Variants in RPRD2 observed in about 807,000 individuals in gnomAD.
RPRD2 encodes regulation of nuclear pre-mRNA domain containing 2.
In RPRD2, 12 loss-of-function variants were observed where a neutral mutation model predicts 104.4. The observed-to-expected ratio is 0.11, with a 90% CI of 0.07 to 0.19. The LOEUF (loss-of-function observed/expected upper bound fraction) is 0.19. RPRD2 is among the 10% of genes least tolerant of loss of function. The probability of loss-of-function intolerance (pLI) is 1.00; values close to 1 mark genes in which losing one functional copy is unlikely to be tolerated. For synonymous variants in RPRD2, 714 were observed against 684.9 expected, an observed-to-expected ratio of 1.04 and a Z score of -0.66; for missense variants, 1,543 against 1,790.1, an observed-to-expected ratio of 0.86 and a Z score of 2.49.
chr1:150,409,182 A>C (rs1204753424), intron 1 of RPRD2: 1 of 152,200 alleles, frequency 6.6e-6, no homozygotes, highest in East Asian at 1.9e-4. Context: ...CTTCTGCATA[A>C]TAATTAAAGC....
rs1442704141 is a variant in RPRD2 at position 150,471,200 on chromosome 1, C to T, written c.2252C>T (p.Ser751Phe). The change falls in exon 11 of 11, where the codon TCC (serine) becomes TTC (phenylalanine). Residue 751 changes from serine to phenylalanine, a missense_variant. Ser to Phe is a radical substitution (Grantham distance 155, BLOSUM62 -2). Transcript: ENST00000369068. The surrounding 1 kb of genome is among the most constrained non-coding windows in gnomAD (Gnocchi z 5.3). ...ACATCCAGCAGTGTAGATACTATGT[C>T]CCTGCTTTCTAAGATCATTAGCCCT... ...KPTSSSVDTM[S>F]LLSKIISPGS... The T allele has an allele frequency of 1.2e-6, 2 of 1,613,430 alleles. No homozygotes were observed. The highest frequency in any genetic ancestry group is 8.5e-7 in the Non-Finnish European group (1 of 1,179,754).
At chr1:150,397,821 A>G (rs2102204861) in intron 1 of RPRD2, among the ~76,000 whole-genome samples, 1 of 152,038 alleles carries the variant, frequency 6.6e-6, no homozygotes, top group Non-Finnish European at 1.5e-5. Context: ...ATCTCCGCTC[A>G]CTGCAGCTTC....
At chr1:150,395,685 A>G (rs1662464147) in intron 1 of RPRD2, among the ~76,000 whole-genome samples, 1 of 151,790 alleles carries the variant, frequency 6.6e-6, no homozygotes, top group Admixed American at 6.6e-5. Flanking sequence ...TAGTTTTTGT[A>G]TTTTTAGTAG....
intron 1 of RPRD2, among the ~76,000 whole-genome samples, chr1:150,385,453 G>A (rs1572367831): frequency 1.3e-5 from 2 of 152,192 alleles, no homozygotes; most frequent in Admixed American, 1.3e-4. Context: ...TAGCCTCGGC[G>A]GCAAAGCAAG....
intron 1 of RPRD2, among the ~76,000 whole-genome samples, chr1:150,401,185 A>G (rs1246178354): frequency 6.6e-6 from 1 of 151,138 alleles, no homozygotes; most frequent in Non-Finnish European, 1.5e-5. Context: ...TCATAAAAAT[A>G]AAAAAAAGAG....
chr1:150,430,318 C>T (rs781843499), intron 2 of RPRD2, among the ~76,000 whole-genome samples: 5 of 152,068 alleles, frequency 3.3e-5, no homozygotes, highest in East Asian at 1.9e-4. Context: ...AAAGAGAATA[C>T]GCAAGAATGT....
intron 1 of RPRD2, among the ~76,000 whole-genome samples, chr1:150,387,909 T>TTC (rs1269600925): frequency 7.1e-6 from 1 of 141,614 alleles, no homozygotes; most frequent in Non-Finnish European, 1.5e-5. Context: ...TTTTTTTCTT[T>TTC]TCTCTTTTTT....
chr1:150,448,132 A>G (rs1560211059), intron 7 of RPRD2, among the ~76,000 whole-genome samples: 1 of 151,884 alleles, frequency 6.6e-6, no homozygotes, highest in Non-Finnish European at 1.5e-5. Context: ...TATCCCTTCA[A>G]TTTTCCAGCT....
chr1:150,377,768 A>G (rs1429102015), intron 1 of RPRD2, among the ~76,000 whole-genome samples: 1 of 152,156 alleles, frequency 6.6e-6, no homozygotes, highest in Admixed American at 6.6e-5. Context: ...TAGCTATCAT[A>G]CATGTATTAC....
chr1:150,400,414 A>G (rs1662881009), intron 1 of RPRD2, among the ~76,000 whole-genome samples: 1 of 152,152 alleles, frequency 6.6e-6, no homozygotes, highest in African/African-American at 2.4e-5. Context: ...GCAGTTCCCA[A>G]CTGGAAGAGA....
intron 2 of RPRD2, among the ~76,000 whole-genome samples, chr1:150,428,512 G>A (rs587775266): frequency 6.6e-6 from 1 of 151,124 alleles, no homozygotes; most frequent in African/African-American, 2.4e-5. Context: ...CAGCTTCAAG[G>A]GTTTTTGACT....
chr1:150,421,826 A>T (rs1330847433), intron 2 of RPRD2, among the ~76,000 whole-genome samples: 4 of 151,996 alleles, frequency 2.6e-5, no homozygotes, highest in Non-Finnish European at 5.9e-5. Context: ...AAAAAATTAA[A>T]AATTAGCCAG....
chr1:150,473,556 T>TAAAAAA lies in RPRD2; in HGVS notation c.*240_*245dup, dbSNP rs61486244. 690 of 98,294 alleles carry TAAAAAA rather than the reference T, an allele frequency of 7.0e-3. 26 individuals are homozygous for TAAAAAA. The highest frequency in any genetic ancestry group is 0.03 in the African/African-American group (649 of 21,680). The allele number at this position is 98,294 out of a possible 1,614,324, so 6.1% of individuals were successfully genotyped here. A position where few individuals can be genotyped will look rare whatever the true frequency, so the allele number is the denominator to read the frequency against. ...TCTACCTTCCCCAAGTTGTTTGTAT[T>TAAAAAA]AAAAAAAAAAAAAAAAAAAAAAAGT... On this transcript the variant is annotated 3_prime_UTR_variant, in exon 11 of 11. Transcript: ENST00000369068.
At chr1:150,370,745 T>C (rs1435503225) in intron 1 of RPRD2, among the ~76,000 whole-genome samples, 3 of 151,966 alleles carry the variant, frequency 2.0e-5, no homozygotes, top group Non-Finnish European at 1.5e-5. Flanking sequence ...AGCTAATTTT[T>C]TGTATTTTTT....
At chr1:150,468,384 A>G (rs1204030009) in intron 10 of RPRD2, among the ~76,000 whole-genome samples, 1 of 152,110 alleles carries the variant, frequency 6.6e-6, no homozygotes, top group Non-Finnish European at 1.5e-5. Flanking sequence ...GAACAGTAAT[A>G]TTTAGTGGTG....
intron 7 of RPRD2, among the ~76,000 whole-genome samples, chr1:150,449,979 T>C (rs1382959858): frequency 6.6e-6 from 1 of 152,176 alleles, no homozygotes; most frequent in Admixed American, 6.6e-5. Context: ...CTCTGCTTCC[T>C]TCTAGATATT....
chr1:150,428,368 G>C (rs587729208), intron 2 of RPRD2, among the ~76,000 whole-genome samples: 1 of 147,970 alleles, frequency 6.8e-6, no homozygotes, highest in East Asian at 2.0e-4. Flanking sequence ...CAGGAGAATC[G>C]CTTGAACCTG....
chr1:150,388,402 G>A (rs587739442), intron 1 of RPRD2, among the ~76,000 whole-genome samples: 42 of 141,890 alleles, frequency 3.0e-4, no homozygotes, highest in Admixed American at 1.1e-3. Context: ...ATGTATATAC[G>A]TGTATATACA....
At chr1:150,399,167 T>C (rs1553884826) in intron 1 of RPRD2, among the ~76,000 whole-genome samples, 1 of 151,914 alleles carries the variant, frequency 6.6e-6, no homozygotes, top group Non-Finnish European at 1.5e-5. Flanking sequence ...TCACCTCGGT[T>C]ATCTTTTAAT....
Sources: allele counts gnomAD v4.1 joint callset (sites outside exome capture counted in the v4.1 genomes callset), GRCh38; gene constraint gnomAD v4.1.1; non-coding constraint Gnocchi (gnomAD v3.1); transcripts MANE v1.5; gene names NCBI Gene and HGNC (gene_info 2026-07-23, HGNC 2026-07-21).